Variants in IL18RAP observed in about 807,000 individuals in gnomAD.
The protein encoded by IL18RAP is interleukin-18 receptor accessory protein.
IL18RAP carries 37 observed loss-of-function variants against 58.1 expected under a neutral mutation model. The ratio of observed to expected loss-of-function variants is 0.64; its 90% CI spans 0.49 to 0.84. The LOEUF is 0.84. IL18RAP is among the 40% of genes least tolerant of loss of function. IL18RAP has a pLI of 0.00. For synonymous variants in IL18RAP, 268 were observed against 257.5 expected (o/e 1.04, Z -0.39); for missense variants, 667 against 704.8 (o/e 0.95, Z 0.61).
intron 3 of IL18RAP, among the ~76,000 whole-genome samples, chr2:102,431,889 G>A (rs185338398): frequency 3.2e-4 from 49 of 151,596 alleles, no homozygotes; most frequent in Non-Finnish European, 1.6e-4. Context: ...ACTTTAAGAG[G>A]ATTATTCTGA....
chr2:102,451,228 T>C (rs760511396), intron 9 of IL18RAP, among the ~76,000 whole-genome samples: 2 of 152,206 alleles, frequency 1.3e-5, no homozygotes, highest in Admixed American at 1.3e-4. Context: ...GACAATCACA[T>C]GGGGCCCTAG....
upstream of IL18RAP, among the ~76,000 whole-genome samples, chr2:102,422,067 C>G (rs3755268): frequency 0.77 from 117,788 of 152,158 alleles, 46,608 homozygotes; most frequent in African/African-American, 0.89. Context: ...CAGACTCTAG[C>G]AGGCGTGGTT....
intron 4 of IL18RAP, among the ~76,000 whole-genome samples, chr2:102,438,072 A>T (rs1484015775): frequency 6.6e-6 from 1 of 152,146 alleles, no homozygotes; most frequent in Non-Finnish European, 1.5e-5. Flanking sequence ...TTTCTGCTCC[A>T]TAGTATACTT....
chr2:102,446,662 G>A (rs764119995), intron 7 of IL18RAP, among the ~76,000 whole-genome samples: 6 of 152,222 alleles, frequency 3.9e-5, no homozygotes, highest in Admixed American at 1.3e-4. Flanking sequence ...TTAGCCGGGC[G>A]TGGTGGCGGG....
chr2:102,421,426 G>A (rs538822543), upstream of IL18RAP, among the ~76,000 whole-genome samples: 66 of 152,272 alleles, frequency 4.3e-4, no homozygotes, highest in African/African-American at 1.5e-3. Flanking sequence ...AGCCGGTGAC[G>A]TTTTGGGCAT....
At chr2:102,435,533 G>A (rs544964401) in intron 3 of IL18RAP, among the ~76,000 whole-genome samples, 2 of 152,244 alleles carry the variant, frequency 1.3e-5, no homozygotes, top group East Asian at 3.9e-4. Flanking sequence ...CATTAAAATG[G>A]ATATGAAAAC....
At chr2:102,432,996 C>G (rs188117141) in intron 3 of IL18RAP, among the ~76,000 whole-genome samples, 50 of 152,176 alleles carry the variant, frequency 3.3e-4, no homozygotes, top group Non-Finnish European at 5.3e-4. Context: ...ATCCTTGACA[C>G]AAGTCAAAAT....
intron 3 of IL18RAP, among the ~76,000 whole-genome samples, chr2:102,436,819 G>GTGTATATATATA (rs1553404995): frequency 2.7e-4 from 41 of 149,888 alleles, no homozygotes; most frequent in African/African-American, 9.6e-4. Context: ...GTGTGTGTGT[G>GTGTATATATATA]TATATATATA....
rs770129762 is a variant in IL18RAP at position 102,423,323 on chromosome 2, C to A, written c.46C>A (p.Arg16=). ...WIFLWLVAGE[R]IKGFNISGCS... ...ATTTCTTTGGCTTGTTGCAGGAGAG[C>A]GAATTAAAGGATTTAATATTTCAGG... The change falls in exon 1 of 10, where the codon CGA becomes AGA. Residue 16 remains arginine (R), a synonymous_variant. Coordinates refer to ENST00000687160, the MANE Select transcript of IL18RAP (RefSeq NM_001393487.1). 2.5e-6 allele frequency: 4 copies of A among 1,613,794 alleles called. No individual in the cohort carries two copies. Among genetic ancestry groups the A allele is most frequent in the South Asian group, 1.1e-5 (1 of 91,066 alleles).
intron 3 of IL18RAP, among the ~76,000 whole-genome samples, chr2:102,426,386 A>G (rs1450070517): frequency 1.3e-5 from 2 of 152,114 alleles, no homozygotes; most frequent in African/African-American, 4.8e-5. Context: ...GCATTCCACA[A>G]TATTTTTAAT....
chr2:102,421,072 T>A (rs1270970912), upstream of IL18RAP, among the ~76,000 whole-genome samples: 1 of 152,160 alleles, frequency 6.6e-6, no homozygotes, highest in Non-Finnish European at 1.5e-5. Flanking sequence ...CCTGAACAAG[T>A]CATTACTGAG....
intron 3 of IL18RAP, among the ~76,000 whole-genome samples, chr2:102,428,039 G>T (rs904761103): frequency 6.9e-6 from 1 of 145,434 alleles, no homozygotes; most frequent in Admixed American, 6.9e-5. Flanking sequence ...TGGGCTTTCT[G>T]TCATATTCCA....
chr2:102,429,881 A>G (rs1682222444), intron 3 of IL18RAP, among the ~76,000 whole-genome samples: 3 of 151,968 alleles, frequency 2.0e-5, no homozygotes, highest in Admixed American at 2.0e-4. Flanking sequence ...TTTCCAAGAT[A>G]TTTTCTGTTT....
upstream of IL18RAP, among the ~76,000 whole-genome samples, chr2:102,420,953 G>T (rs544293967): frequency 7.7e-4 from 117 of 152,286 alleles, no homozygotes; most frequent in African/African-American, 2.7e-3. Flanking sequence ...CACTCTCCTA[G>T]GATCAGGATA....
chr2:102,429,971 T>C (rs976421452), intron 3 of IL18RAP, among the ~76,000 whole-genome samples: 7 of 152,048 alleles, frequency 4.6e-5, no homozygotes, highest in African/African-American at 7.2e-5. Flanking sequence ...TTAAGACTTA[T>C]CTTGTAGCTG....
In IL18RAP at chr2:102,445,693, A is replaced by G. The variant is rs146576279; in HGVS notation, c.1072+353A>G. Reference sequence around the variant, plus strand: ...GTGCTAAGACCTAGCCTCCTTTCCAATTTTTCTTTCCTGGCTTTCAAATCC... The same window carrying G: ...GTGCTAAGACCTAGCCTCCTTTCCAGTTTTTCTTTCCTGGCTTTCAAATCC... On this transcript the variant is annotated intron_variant, in intron 7 of 9. Coordinates refer to ENST00000687160, the MANE Select transcript of IL18RAP (RefSeq NM_001393487.1). 2.0e-3 allele frequency among the ~76,000 whole-genome samples: 304 copies of G among 152,218 alleles called. 2 individuals carry two copies. The highest frequency in any genetic ancestry group is 7.0e-3 in the African/African-American group (290 of 41,518).
At chr2:102,441,165 G>A (rs1036152443) in intron 4 of IL18RAP, 147 bp from the exon 5 acceptor site, 12 of 587,206 alleles carry the variant, frequency 2.0e-5, no homozygotes, top group Admixed American at 1.2e-4. Flanking sequence ...CATGGAAACC[G>A]GAATTCCTAA....
chr2:102,445,795 T>C (rs1274325798), intron 7 of IL18RAP, among the ~76,000 whole-genome samples: 3 of 150,558 alleles, frequency 2.0e-5, no homozygotes, highest in Admixed American at 1.3e-4. Context: ...TTGTTCAAAA[T>C]GGTGTGTGTA....
chr2:102,441,868 G>A (rs1558652), intron 5 of IL18RAP, among the ~76,000 whole-genome samples: 114,508 of 151,828 alleles, frequency 0.75, 43,961 homozygotes, highest in African/African-American at 0.83. Flanking sequence ...ATCCTGGGTG[G>A]CAGAGCAAGA....
Sources: allele counts gnomAD v4.1 joint callset (sites outside exome capture counted in the v4.1 genomes callset), GRCh38; gene constraint gnomAD v4.1.1; transcripts MANE v1.5; gene names NCBI Gene and HGNC (gene_info 2026-07-23, HGNC 2026-07-21).